Variants in CROCC observed in about 807,000 individuals in gnomAD.
CROCC encodes ciliary rootlet coiled-coil, rootletin, also known as rootletin.
Under a neutral mutation model 245.2 loss-of-function variants are expected in CROCC, and 180 were observed. That is an observed-to-expected ratio of 0.73 (90% CI 0.65 to 0.83). CROCC has a LOEUF of 0.83. CROCC is among the 40% of genes least tolerant of loss of function. The probability of loss-of-function intolerance (pLI) is 0.00; values close to 1 mark genes in which losing one functional copy is unlikely to be tolerated. For synonymous variants in CROCC, 1,205 were observed against 1,241.6 expected (o/e 0.97, Z 0.62); for missense variants, 2,688 against 2,779.4 (o/e 0.97, Z 0.74).
chr1:16,940,389 A>G (rs2075903402), intron 13 of CROCC, among the ~76,000 whole-genome samples: 1 of 144,104 alleles, frequency 6.9e-6, no homozygotes, highest in South Asian at 2.2e-4. Context: ...ATGCCGGGCT[A>G]ATTTTTTTTT....
At chr1:16,950,100 G>T (rs184133663) in intron 19 of CROCC, among the ~76,000 whole-genome samples, 2 of 151,804 alleles carry the variant, frequency 1.3e-5, no homozygotes, top group East Asian at 3.9e-4. Flanking sequence ...TCTCACTCTT[G>T]TTGCCCAGGC....
intron 23 of CROCC, 45 bp from the exon 24 acceptor site, chr1:16,955,267 G>T: frequency 6.3e-7 from 1 of 1,582,658 alleles, no homozygotes. Context: ...AGCTTGACGG[G>T]GGGGTCCCTG....
At chr1:16,928,901 A>T (rs2075599093) in intron 3 of CROCC, among the ~76,000 whole-genome samples, 1 of 152,174 alleles carries the variant, frequency 6.6e-6, no homozygotes, top group Non-Finnish European at 1.5e-5. Flanking sequence ...ATCTCGGCTC[A>T]CTGCAACCTC....
chr1:16,932,403 G>T (rs113794753), intron 8 of CROCC, among the ~76,000 whole-genome samples: 7,289 of 149,984 alleles, frequency 0.049, no homozygotes, highest in African/African-American at 0.099. Context: ...TCTCGCCATT[G>T]TACTCCGGCC....
At chr1:16,934,892 C>CTTT (rs556637657) in intron 8 of CROCC, among the ~76,000 whole-genome samples, 131 of 128,490 alleles carry the variant, frequency 1.0e-3, no homozygotes, top group Non-Finnish European at 1.2e-3. Context: ...TCAGCAGTTT[C>CTTT]TTTTTTTTTT....
In CROCC at chr1:16,954,624, G is replaced by A. The variant is rs186158082; in HGVS notation, c.3322-110G>A. The A allele has an allele frequency of 5.3e-5, 74 of 1,397,124 alleles. No individual in the cohort carries two copies. Among genetic ancestry groups the A allele is most frequent in the African/African-American group, 1.9e-4 (13 of 69,034 alleles). 86.5% of individuals were successfully genotyped at this position (1,397,124 alleles called of 1,614,324 possible). On this transcript the variant is annotated intron_variant, in intron 22 of 36. Transcript: ENST00000375541. This position sits in a 1 kb window ranked among gnomAD's most constrained non-coding sequence, Gnocchi z 4.4. ...TTGGCAGAGGGTCCGGCAGGCCAGC[G>A]GGAGGGGCCGTGTTTAGAGCTAAAA...
chr1:16,961,139 A>G lies in CROCC; in HGVS notation c.4405+9A>G. ...GGACGCACCCGCAGAAGGTAAGGGC[A>G]GTGCCGCGCGCAGGGAAGGGGGGAG... On this transcript the variant is annotated intron_variant, in intron 27 of 36. Coordinates refer to ENST00000375541, the MANE Select transcript of CROCC (RefSeq NM_014675.5). 1.5e-6 allele frequency: 2 copies of G among 1,303,846 alleles called. No individual in the cohort carries two copies. The highest frequency in any genetic ancestry group is 2.0e-5 in the South Asian group (1 of 50,050). 80.8% of individuals were successfully genotyped at this position (1,303,846 alleles called of 1,614,324 possible). A position where few individuals can be genotyped will look rare whatever the true frequency, so the allele number is the denominator to read the frequency against.
At chr1:16,917,172 C>T (rs2075315864), upstream of CROCC, among the ~76,000 whole-genome samples, 1 of 152,294 alleles carries the variant, frequency 6.6e-6, no homozygotes, top group Non-Finnish European at 1.5e-5. Context: ...ACACCTAGGT[C>T]GCGGCTGTGA....
intron 8 of CROCC, among the ~76,000 whole-genome samples, chr1:16,932,195 G>A (rs1261344644): frequency 4.6e-5 from 7 of 152,288 alleles, no homozygotes; most frequent in African/African-American, 7.2e-5. Context: ...TGTAATCCCA[G>A]CACTTGAGGA....
In CROCC at chr1:16,960,663, ACAGT is replaced by A. The variant is rs1416672093; in HGVS notation, c.4033-91_4033-88del. On this transcript the variant is annotated intron_variant, in intron 26 of 36. Coordinates refer to ENST00000375541, the MANE Select transcript of CROCC (RefSeq NM_014675.5). Reference sequence around the variant, plus strand: ...AAGGAGAAAGGGTTGTACTGACCACACAGTCAGGGATGGTGGGCTCCAGTCTGGG... The same window carrying A: ...AAGGAGAAAGGGTTGTACTGACCACACAGGGATGGTGGGCTCCAGTCTGGG... 7 of 1,345,484 alleles carry A rather than the reference ACAGT, an allele frequency of 5.2e-6. No homozygotes were observed. The Admixed American group carries it at 1.5e-4, about 28-fold the overall frequency. The allele number at this position is 1,345,484 out of a possible 1,614,324, so 83.3% of individuals were successfully genotyped here. A position where few individuals can be genotyped will look rare whatever the true frequency, so the allele number is the denominator to read the frequency against.
rs1322307927 is a variant in CROCC at position 16,922,685 on chromosome 1, G to A, written c.83G>A (p.Cys28Tyr). ...VIQTLESSVL[C>Y]QEKGLGARDL... ...CAGACACTGGAGAGCAGCGTCCTGT[G>A]CCAGGAGAAAGGCTTGGGCGCGCGG... The change falls in exon 2 of 37, where the codon TGC (cysteine) becomes TAC (tyrosine). Residue 28 changes from cysteine (C) to tyrosine (Y), a missense_variant. This residue lies in a region of CROCC where 972 missense variants were observed against 895.3 expected (regional missense o/e 1.09). Transcript: ENST00000375541. 6 of 1,612,614 alleles carry A rather than the reference G, an allele frequency of 3.7e-6. No individual in the cohort carries two copies. Among genetic ancestry groups the A allele is most frequent in the Non-Finnish European group, 4.2e-6 (5 of 1,179,460 alleles).
chr1:16,918,508 G>T (rs2075336575), upstream of CROCC, among the ~76,000 whole-genome samples: 1 of 152,186 alleles, frequency 6.6e-6, no homozygotes, highest in Non-Finnish European at 1.5e-5. Context: ...TCAGGAGAAG[G>T]CACAGAATAA....
chr1:16,969,307 G>T lies in CROCC; in HGVS notation c.5268G>T (p.Leu1756=). The T allele has an allele frequency of 6.2e-7, 1 of 1,611,752 alleles. No homozygotes were observed. ...RDKNLHLQKA[L]TACEHDRQVL... is the part of the protein sequence containing the mutation. ...AGAACCTGCATCTGCAGAAGGCTCT[G>T]ACCGCCTGTGAACATGACCGCCAAG... is the stretch of plus-strand genomic sequence containing the variant. The change falls in exon 32 of 37, where the codon CTG becomes CTT. Residue 1756 remains leucine, a synonymous_variant. Transcript: ENST00000375541.
chr1:16,960,848 G>A lies in CROCC; in HGVS notation c.4123G>A (p.Gly1375Ser). 1 of 1,518,718 alleles carries A rather than the reference G, an allele frequency of 6.6e-7. No homozygotes were observed. Among genetic ancestry groups the A allele is most frequent in the South Asian group, 1.2e-5 (1 of 82,490 alleles). 94.1% of individuals were successfully genotyped at this position (1,518,718 alleles called of 1,614,324 possible). The change falls in exon 27 of 37, where the codon GGC becomes AGC. Residue 1375 changes from glycine (G) to serine (S), a missense_variant. Around this residue, in one of 9 missense-constraint regions of CROCC, gnomAD observed 1,218 missense variants for 1,286.3 expected, o/e 0.95. Coordinates refer to ENST00000375541, the MANE Select transcript of CROCC (RefSeq NM_014675.5). The part of the protein sequence containing the change: ...RLLGSLEEAR[G>S]TEKQQLDHAR... ...GCTGGGCTCCCTGGAGGAGGCGCGT[G>A]GCACTGAAAAGCAGCAGCTGGACCA...
At chr1:16,943,441 G>A (rs1366731635) in intron 13 of CROCC, among the ~76,000 whole-genome samples, 1 of 152,254 alleles carries the variant, frequency 6.6e-6, no homozygotes, top group Non-Finnish European at 1.5e-5. Flanking sequence ...GGGAGGCTGA[G>A]GCAGGAGAAT....
upstream of CROCC, among the ~76,000 whole-genome samples, chr1:16,921,173 G>A (rs192136041): frequency 4.6e-4 from 70 of 152,378 alleles, no homozygotes; most frequent in East Asian, 0.012. Context: ...GGACGGCTCC[G>A]AGAGATGAGT....
chr1:16,959,975 A>C (rs1020391549), intron 26 of CROCC, among the ~76,000 whole-genome samples: 33 of 151,544 alleles, frequency 2.2e-4, no homozygotes, highest in South Asian at 1.0e-3. Flanking sequence ...AAAAAAACAG[A>C]AACAAAAACA....
chr1:16,941,052 G>C (rs1006189846), intron 13 of CROCC: 3 of 250,922 alleles, frequency 1.2e-5, no homozygotes, highest in Non-Finnish European at 2.5e-5. Flanking sequence ...TAGAGATGGG[G>C]GTCTCACTAT....
At chr1:16,943,579 C>G (rs1216516459) in intron 13 of CROCC, among the ~76,000 whole-genome samples, 1 of 152,084 alleles carries the variant, frequency 6.6e-6, no homozygotes, top group Admixed American at 6.5e-5. Flanking sequence ...GAAGTTTTTT[C>G]GCACCTATGG....
Sources: allele counts gnomAD v4.1 joint callset (sites outside exome capture counted in the v4.1 genomes callset), GRCh38; gene constraint gnomAD v4.1.1; regional missense constraint gnomAD v4.1.1; non-coding constraint Gnocchi (gnomAD v3.1); transcripts MANE v1.5; gene names NCBI Gene and HGNC (gene_info 2026-07-23, HGNC 2026-07-21).